TRIM38: variants seen among roughly 807,000 people sequenced by gnomAD.
TRIM38 encodes the protein tripartite motif containing 38.
In TRIM38, 35 loss-of-function variants were observed where a neutral mutation model predicts 35.8. That is an observed-to-expected ratio of 0.98 (90% confidence interval 0.75 to 1.30). The LOEUF (loss-of-function observed/expected upper bound fraction) is 1.30. TRIM38 is among the 50% of genes most tolerant of loss of function. The pLI is 0.00. For missense variants in TRIM38, 545 were observed against 556.9 expected (o/e 0.98, Z 0.21); for synonymous variants, 198 against 204.7 (o/e 0.97, Z 0.28).
At position 25,984,927 on chromosome 6, in the gene TRIM38, G is replaced by T. The variant is rs1760671314; in HGVS notation, c.*1240G>T. On this transcript the variant is annotated 3_prime_UTR_variant, in exon 8 of 8. Coordinates refer to ENST00000357085, the MANE Select transcript of TRIM38 (RefSeq NM_006355.5). ...ATAGGAGAAATGAAGCAACAGTTGT[G>T]TCTAGATGTCAGAGGCATGGCTGGG... is the stretch of plus-strand genomic sequence containing the variant. 1 of 152,306 alleles carries T rather than the reference G, an allele frequency of 6.6e-6. No homozygotes were observed. Among genetic ancestry groups the T allele is most frequent in the Non-Finnish European group, 1.5e-5 (1 of 68,042 alleles). 9.4% of individuals were successfully genotyped at this position (152,306 alleles called of 1,614,324 possible). A position where few individuals can be genotyped will look rare whatever the true frequency, so the allele number is the denominator to read the frequency against.
At chr6:25,963,544 T>C (rs1759918324) in intron 2 of TRIM38, among the ~76,000 whole-genome samples, 1 of 152,134 alleles carries the variant, frequency 6.6e-6, no homozygotes, top group Admixed American at 6.5e-5. Flanking sequence ...ACTCTTTATG[T>C]TGCAATCACT....
intron 2 of TRIM38, among the ~76,000 whole-genome samples, chr6:25,965,454 C>T (rs981732967): frequency 6.6e-6 from 1 of 152,192 alleles, no homozygotes; most frequent in African/African-American, 2.4e-5. Flanking sequence ...TGCATTTCTT[C>T]TTTCTGGAGA....
At chr6:25,975,567 A>C in intron 7 of TRIM38, 1 of 955,362 alleles carries the variant, frequency 1.0e-6, no homozygotes, top group Non-Finnish European at 1.2e-6. Context: ...TTTATTTTAC[A>C]TTGCCTTCAA....
In TRIM38 at chr6:25,973,043, T is replaced by C. The variant is rs201543396; in HGVS notation, c.739-11T>C. ...TTCCCATGCTCACCTTTTCTTTTTG[T>C]TTCTTTATAGAATGTGAATGACACT... On this transcript the variant is annotated splice_polypyrimidine_tract_variant and intron_variant, in intron 5 of 7. Transcript: ENST00000357085. The C allele has an allele frequency of 8.3e-4, 1,344 of 1,614,166 alleles. 5 individuals carry two copies. Among genetic ancestry groups the C allele is most frequent in the Non-Finnish European group, 4.4e-4 (516 of 1,180,016 alleles).
Position 25,966,393 on chromosome 6 carries a change from C to A in TRIM38, c.-130C>A. 1.1e-6 allele frequency: 1 copy of A among 932,092 alleles called. No individual in the cohort carries two copies. Among genetic ancestry groups the A allele is most frequent in the Non-Finnish European group, 1.5e-6 (1 of 646,466 alleles). 57.7% of individuals were successfully genotyped at this position (932,092 alleles called of 1,614,324 possible). On this transcript the variant is annotated 5_prime_UTR_variant, in exon 3 of 8. Transcript: ENST00000357085. Reference sequence around the variant, plus strand: ...GGGGTTGGAAGGAAAACCTTCAAGACCTATGGAAGTCAGTTGCAGCCAGCT... The same window carrying A: ...GGGGTTGGAAGGAAAACCTTCAAGAACTATGGAAGTCAGTTGCAGCCAGCT...
At chr6:25,968,995 G>C (rs1156428079) in intron 3 of TRIM38, among the ~76,000 whole-genome samples, 1 of 152,198 alleles carries the variant, frequency 6.6e-6, no homozygotes, top group Non-Finnish European at 1.5e-5. Flanking sequence ...GGTGGACATA[G>C]CTCAGGCTCT....
rs971311119 is a variant in TRIM38, at chr6:25,990,830, A to G, written c.*7143A>G. ...ATTTTTTAATTCTTAAAATTTTATT[A>G]TTTATTTCACACCAGGCCATCACTG... On this transcript the variant is annotated 3_prime_UTR_variant, in exon 8 of 8. Coordinates refer to ENST00000357085, the MANE Select transcript of TRIM38 (RefSeq NM_006355.5). 6.6e-6 allele frequency: 1 copy of G among 152,118 alleles called. No individual in the cohort carries two copies. Among genetic ancestry groups the G allele is most frequent in the Admixed American group, 6.5e-5 (1 of 15,276 alleles). 9.4% of individuals were successfully genotyped at this position (152,118 alleles called of 1,614,324 possible).
chr6:25,983,229 G>A lies in TRIM38; in HGVS notation c.940G>A (p.Val314Met). Residue 314 changes from valine to methionine, a missense_variant, in exon 8 of 8, where the codon GTG becomes ATG. Coordinates refer to ENST00000357085, the MANE Select transcript of TRIM38 (RefSeq NM_006355.5). The stretch of plus-strand genomic sequence containing the variant: ...AATTCTCTCTGAGGATCGGAGACAA[G>A]TGACTCGTGGATACACCCAGGAGAA... ...ELILSEDRRQVTRGYTQENQD... is the reference protein window; with the variant it reads ...ELILSEDRRQMTRGYTQENQD... 2 of 1,614,058 alleles carry A rather than the reference G, an allele frequency of 1.2e-6. No homozygotes were observed. The highest frequency in any genetic ancestry group is 1.7e-6 in the Non-Finnish European group (2 of 1,179,936).
intron 4 of TRIM38, 87 bp from the exon 5 acceptor site, chr6:25,971,782 G>T (rs1414496339): frequency 4.3e-6 from 5 of 1,176,308 alleles, no homozygotes; most frequent in Non-Finnish European, 6.2e-6. Flanking sequence ...AGTAGCGTGT[G>T]TCAGACTTTC....
chr6:25,964,760 C>T (rs1382931286), intron 2 of TRIM38, among the ~76,000 whole-genome samples: 1 of 151,970 alleles, frequency 6.6e-6, no homozygotes, highest in Non-Finnish European at 1.5e-5. Flanking sequence ...CACAGATCAC[C>T]CAATTGCATA....
In TRIM38 at chr6:25,983,528, A is replaced by AT; in HGVS notation, c.1239_1240insT (p.Ile414TyrfsTer6). ...TGCATGAGCAGCCCCTGCTTGTGGG[A>AT]ATTTTTCTGGACTATGAGGCCGGAG... On this transcript the variant is annotated frameshift_variant, in exon 8 of 8. Coordinates refer to ENST00000357085, the MANE Select transcript of TRIM38 (RefSeq NM_006355.5). LOFTEE classifies it low-confidence loss of function (END_TRUNC). 1 of 1,613,898 alleles carries AT rather than the reference A, an allele frequency of 6.2e-7. No homozygotes were observed. Among genetic ancestry groups the AT allele is most frequent in the South Asian group, 1.1e-5 (1 of 91,072 alleles).
chr6:25,969,540 A>T, intron 4 of TRIM38, 120 bp downstream of exon 4: 1 of 778,354 alleles, frequency 1.3e-6, no homozygotes, highest in Non-Finnish European at 1.9e-6. Context: ...AAAAAATGAA[A>T]CCCAAGGAAG....
At position 25,985,399 on chromosome 6, in the gene TRIM38, C is replaced by G. The variant is rs573121630; in HGVS notation, c.*1712C>G. The G allele has an allele frequency of 2.0e-5, 3 of 151,162 alleles. No homozygotes were observed. Among genetic ancestry groups the G allele is most frequent in the African/African-American group, 7.3e-5 (3 of 41,200 alleles). 9.4% of individuals were successfully genotyped at this position (151,162 alleles called of 1,614,324 possible). A position where few individuals can be genotyped will look rare whatever the true frequency, so the allele number is the denominator to read the frequency against. ...TTCCTTGTCACTTAAAAAATGTATT[C>G]TTTTCTTAAAATGCTATATAAGCCC... is the stretch of plus-strand genomic sequence containing the variant. On this transcript the variant is annotated 3_prime_UTR_variant, in exon 8 of 8. Transcript: ENST00000357085.
At position 25,966,481 on chromosome 6, in the gene TRIM38, C is replaced by T; in HGVS notation, c.-42C>T. ...CGGTGGAAAATTCTGGCTGCTTCAT[C>T]TCCATCTCTAGAGCCAATATTGGAG... On this transcript the variant is annotated 5_prime_UTR_variant, in exon 3 of 8. Coordinates refer to ENST00000357085, the MANE Select transcript of TRIM38 (RefSeq NM_006355.5). The T allele has an allele frequency of 6.5e-7, 1 of 1,535,270 alleles. No individual in the cohort carries two copies. The highest frequency in any genetic ancestry group is 8.7e-7 in the Non-Finnish European group (1 of 1,144,486).
rs1001351177 is a variant in TRIM38, at chr6:25,991,113, T to G, written c.*7426T>G. On this transcript the variant is annotated 3_prime_UTR_variant, in exon 8 of 8. Coordinates refer to ENST00000357085, the MANE Select transcript of TRIM38 (RefSeq NM_006355.5). ...CTTGTGTCTCCTTGGGTCTCTTTTC[T>G]CCAAGACCTAAACTCCCTGAGGACA... The G allele has an allele frequency of 4.6e-5, 7 of 152,254 alleles. No individual in the cohort carries two copies. Among genetic ancestry groups the G allele is most frequent in the African/African-American group, 1.4e-4 (6 of 41,440 alleles). 9.4% of individuals were successfully genotyped at this position (152,254 alleles called of 1,614,324 possible). A position where few individuals can be genotyped will look rare whatever the true frequency, so the allele number is the denominator to read the frequency against.
At position 25,988,514 on chromosome 6, in the gene TRIM38, G is replaced by A. The variant is rs1195811637; in HGVS notation, c.*4827G>A. 3.7e-4 allele frequency: 1 copy of A among 2,686 alleles called. No homozygotes were observed. The highest frequency in any genetic ancestry group is 6.6e-4 in the Non-Finnish European group (1 of 1,514). The allele number at this position is 2,686 out of a possible 1,614,324, so 0.2% of individuals were successfully genotyped here. ...TTTCTTTCTTTTTTTTTTTTTTTTT[G>A]AGACAGAGGAGTCTTGCTCTGTTGC... On this transcript the variant is annotated 3_prime_UTR_variant, in exon 8 of 8. Coordinates refer to ENST00000357085, the MANE Select transcript of TRIM38 (RefSeq NM_006355.5).
rs562818816 is a variant in TRIM38, at chr6:25,978,865, G to T, written c.875-4299G>T. 2.6e-5 allele frequency among the ~76,000 whole-genome samples: 4 copies of T among 152,122 alleles called. No homozygotes were observed. The South Asian group carries it at 6.2e-4, about 24-fold the overall frequency. On this transcript the variant is annotated intron_variant, in intron 7 of 7. Coordinates refer to ENST00000357085, the MANE Select transcript of TRIM38 (RefSeq NM_006355.5). ...ATATTTTTTGTAGAGATGGAATTTGGCCATATTGACCAGGCTGGTCTCAAA... is the reference window on the plus strand; with the variant it reads ...ATATTTTTTGTAGAGATGGAATTTGTCCATATTGACCAGGCTGGTCTCAAA...
At chr6:25,976,973 A>G (rs1387735373) in intron 7 of TRIM38, among the ~76,000 whole-genome samples, 1 of 151,634 alleles carries the variant, frequency 6.6e-6, no homozygotes, top group African/African-American at 2.4e-5. Context: ...TATGTCCATT[A>G]GCCCTTCAGG....
intron 4 of TRIM38, among the ~76,000 whole-genome samples, chr6:25,969,879 T>C (rs1330551305): frequency 6.6e-6 from 1 of 152,138 alleles, no homozygotes; most frequent in African/African-American, 2.4e-5. Flanking sequence ...TTCATACTAC[T>C]CTAGCTCATG....
Sources: allele counts gnomAD v4.1 joint callset (sites outside exome capture counted in the v4.1 genomes callset), GRCh38; gene constraint gnomAD v4.1.1; transcripts MANE v1.5; gene names NCBI Gene and HGNC (gene_info 2026-07-23, HGNC 2026-07-21).